EPC1: variants seen among roughly 807,000 people sequenced by gnomAD.
EPC1 encodes the protein enhancer of polycomb 1.
EPC1 carries 12 observed loss-of-function variants against 98.4 expected under a neutral mutation model. The ratio of observed to expected loss-of-function variants is 0.12; its 90% confidence interval spans 0.08 to 0.20. The LOEUF (loss-of-function observed/expected upper bound fraction) is 0.20, where lower values mean the gene tolerates loss of function less well. EPC1 is among the 10% of genes least tolerant of loss of function. EPC1 has a pLI of 1.00. For synonymous variants in EPC1, 357 were observed against 363.9 expected (o/e 0.98, Z 0.21); for missense variants, 729 against 990.5 (o/e 0.74, Z 3.54).
At chr10:32,310,831 G>A (rs1196979074) in intron 1 of EPC1, among the ~76,000 whole-genome samples, 2 of 151,762 alleles carry the variant, frequency 1.3e-5, no homozygotes, top group East Asian at 1.9e-4. Context: ...CGGAGATCAC[G>A]CCACTGCACT....
chr10:32,301,093 C>T lies in EPC1; in HGVS notation c.313+4679G>A, dbSNP rs1243838748. Reference sequence around the variant, plus strand: ...ATCTATCTATCTATCTATCTATCTGCCTGCCTACCTACCTACGTACCTACA... The same window carrying T: ...ATCTATCTATCTATCTATCTATCTGTCTGCCTACCTACCTACGTACCTACA... On this transcript the variant is annotated intron_variant, in intron 2 of 13. Transcript: ENST00000319778. 7.1e-5 allele frequency among the ~76,000 whole-genome samples: 10 copies of T among 140,012 alleles called. No homozygotes were observed. The Middle Eastern group carries it at 0.012, about 162-fold the overall frequency. The allele number at this position is 140,012 out of a possible 152,430, so 91.9% of individuals were successfully genotyped here.
At chr10:32,359,759 C>A (rs1167811057) in intron 1 of EPC1, among the ~76,000 whole-genome samples, 1 of 152,162 alleles carries the variant, frequency 6.6e-6, no homozygotes, top group Non-Finnish European at 1.5e-5. Flanking sequence ...AAAAGAAATT[C>A]TCACACGAAG....
rs1182185516 is a variant in EPC1, at chr10:32,347,054, A to T, written c.-139T>A. 5.5e-6 allele frequency: 8 copies of T among 1,463,594 alleles called. No individual in the cohort carries two copies. The highest frequency in any genetic ancestry group is 7.2e-6 in the Non-Finnish European group (8 of 1,113,704). The allele number at this position is 1,463,594 out of a possible 1,614,324, so 90.7% of individuals were successfully genotyped here. On this transcript the variant is annotated 5_prime_UTR_variant, in exon 1 of 14. Coordinates refer to ENST00000319778, the MANE Select transcript of EPC1 (RefSeq NM_001272004.3). ...GGAGCGCAGAGCCCGCCGTCCGGGC[A>T]CTAACACCAGCCGGGAGGGTGGGAG...
At chr10:32,331,858 G>C (rs1564551170) in intron 1 of EPC1, among the ~76,000 whole-genome samples, 1 of 152,154 alleles carries the variant, frequency 6.6e-6, no homozygotes, top group Non-Finnish European at 1.5e-5. Flanking sequence ...AAAACATTTT[G>C]GGGGAGGCCT....
At chr10:32,319,010 T>G (rs1364334527) in intron 1 of EPC1, among the ~76,000 whole-genome samples, 1 of 152,204 alleles carries the variant, frequency 6.6e-6, no homozygotes, top group Admixed American at 6.5e-5. Flanking sequence ...CTGAATTTCC[T>G]AATCCACCTA....
intron 1 of EPC1, among the ~76,000 whole-genome samples, chr10:32,311,416 C>G (rs746770241): frequency 6.6e-6 from 1 of 151,710 alleles, no homozygotes; most frequent in Non-Finnish European, 1.5e-5. Flanking sequence ...TTCAACTTTT[C>G]TATACATTTG....
intron 1 of EPC1, among the ~76,000 whole-genome samples, chr10:32,360,381 G>A (rs1177317820): frequency 1.3e-5 from 2 of 152,190 alleles, no homozygotes; most frequent in Admixed American, 6.5e-5. Context: ...CTAGCTCCCA[G>A]GGGGTCAAGG....
chr10:32,374,436 G>T (rs1303461589), intron 1 of EPC1: 1 of 152,052 alleles, frequency 6.6e-6, no homozygotes, highest in Non-Finnish European at 1.5e-5. Flanking sequence ...CTACCAGAGT[G>T]ATCCTCTCTT....
At chr10:32,328,988 T>C (rs1452357855) in intron 1 of EPC1, among the ~76,000 whole-genome samples, 2 of 152,244 alleles carry the variant, frequency 1.3e-5, no homozygotes, top group African/African-American at 4.8e-5. Context: ...TTGGGACTTC[T>C]GAGCTGGCTT....
At chr10:32,302,031 T>C (rs1388651705) in intron 2 of EPC1, among the ~76,000 whole-genome samples, 1 of 152,120 alleles carries the variant, frequency 6.6e-6, no homozygotes, top group Non-Finnish European at 1.5e-5. Flanking sequence ...CCCAGCACTT[T>C]GGGAGGCCAA....
chr10:32,347,279 AC>A (rs977179914), upstream of EPC1: 20 of 934,036 alleles, frequency 2.1e-5, no homozygotes, highest in Non-Finnish European at 2.4e-5. Context: ...CGTCCCGCCA[AC>A]CCCCGGCACC....
intron 10 of EPC1, among the ~76,000 whole-genome samples, chr10:32,279,347 TAAAA>T (rs397972135): frequency 6.9e-5 from 9 of 130,354 alleles, no homozygotes; most frequent in Non-Finnish European, 1.5e-4. Flanking sequence ...GACTCTGTCT[TAAAA>T]AAAAAAAAAA....
Position 32,271,747 on chromosome 10 carries a change from C to G in EPC1, c.2176G>C (p.Val726Leu). Residue 726 changes from valine to leucine, a missense_variant, in exon 13 of 14, where the codon GTT (valine) becomes CTT (leucine). Coordinates refer to ENST00000319778, the MANE Select transcript of EPC1 (RefSeq NM_001272004.3). ...AATCGAATGTTGTTCCCAATCAGAA[C>G]CTGAGTTGTTGCAGAATTGGCAGCA... The part of the protein sequence containing the change: ...VTAANSATTQ[V>L]LIGNNIRLTV... 6.2e-7 allele frequency: 1 copy of G among 1,614,126 alleles called. No homozygotes were observed. The highest frequency in any genetic ancestry group is 8.5e-7 in the Non-Finnish European group (1 of 1,180,032).
chr10:32,322,871 G>T (rs1400042548), intron 1 of EPC1, among the ~76,000 whole-genome samples: 2 of 152,182 alleles, frequency 1.3e-5, no homozygotes, highest in Admixed American at 1.3e-4. Flanking sequence ...GATGATTAAC[G>T]GGTACAAAAA....
At chr10:32,280,793 C>T (rs778495158) in intron 10 of EPC1, among the ~76,000 whole-genome samples, 2 of 152,084 alleles carry the variant, frequency 1.3e-5, no homozygotes, top group African/African-American at 4.8e-5. Flanking sequence ...TACTATAACT[C>T]GCATATTTGG....
intron 10 of EPC1, among the ~76,000 whole-genome samples, chr10:32,280,948 A>G (rs1211875033): frequency 2.0e-5 from 3 of 152,200 alleles, no homozygotes; most frequent in Non-Finnish European, 4.4e-5. Flanking sequence ...CATTGACCTG[A>G]TACTACAAGT....
chr10:32,324,363 C>CTGGG (rs1024806535), intron 1 of EPC1, among the ~76,000 whole-genome samples: 2 of 151,344 alleles, frequency 1.3e-5, no homozygotes, highest in African/African-American at 4.8e-5. Flanking sequence ...CCAGACCAGC[C>CTGGG]TGGCCAACGT....
intron 10 of EPC1, among the ~76,000 whole-genome samples, chr10:32,277,192 CAT>C (rs1836148704): frequency 6.6e-6 from 1 of 152,198 alleles, no homozygotes; most frequent in South Asian, 2.1e-4. Flanking sequence ...AGCCCACACA[CAT>C]AGAGCACCTG....
Position 32,346,937 on chromosome 10 carries a change from T to A in EPC1, c.-22A>T. On this transcript the variant is annotated 5_prime_UTR_variant, in exon 1 of 14. An upstream open reading frame in the 5' UTR gains an earlier in-frame stop. Transcript: ENST00000319778. ...TCATCTCAGGCGCAGCAGATACCTC[T>A]CCGCTCTGGGGAAACGGCCCCGGCC... 6.2e-7 allele frequency: 1 copy of A among 1,610,978 alleles called. No homozygotes were observed. The highest frequency in any genetic ancestry group is 8.5e-7 in the Non-Finnish European group (1 of 1,179,824).
Sources: gnomAD v4.1 joint callset for allele counts (sites outside exome capture counted in the v4.1 genomes callset) on GRCh38, gnomAD v4.1.1 for gene constraint, MANE v1.5 for transcripts, NCBI Gene and HGNC (gene_info 2026-07-23, HGNC 2026-07-21) for gene names.